Variants in SBF2 observed in about 807,000 individuals in gnomAD.
SBF2 encodes SET binding factor 2.
Under a neutral mutation model 225.2 loss-of-function variants are expected in SBF2, and 112 were observed. That is an observed-to-expected ratio of 0.50 (90% CI 0.43 to 0.58). The LOEUF is 0.58. Ranked by LOEUF, SBF2 falls within the 20% of genes least tolerant of loss-of-function variation. The probability of loss-of-function intolerance (pLI) is 0.00; values close to 1 mark genes in which losing one functional copy is unlikely to be tolerated. For missense variants in SBF2, 1,996 were observed against 2,206.2 expected (o/e 0.90, Z 1.91); for synonymous variants, 763 against 773.3 (o/e 0.99, Z 0.22).
intron 16 of SBF2, among the ~76,000 whole-genome samples, chr11:9,924,082 C>G (rs74504470): frequency 0.018 from 2,691 of 152,226 alleles, 34 homozygotes; most frequent in Non-Finnish European, 0.029. Flanking sequence ...GTGTCTTAAG[C>G]TAGAGTTTGA....
At chr11:9,817,852 C>T (rs192700197) in intron 28 of SBF2, among the ~76,000 whole-genome samples, 51 of 151,932 alleles carry the variant, frequency 3.4e-4, no homozygotes, top group African/African-American at 9.2e-4. Flanking sequence ...GCCAAGATAG[C>T]GCCACTGCGC....
intron 1 of SBF2, among the ~76,000 whole-genome samples, chr11:10,199,045 C>T (rs1591196151): frequency 6.6e-6 from 1 of 152,172 alleles, no homozygotes; most frequent in East Asian, 1.9e-4. Context: ...CAGCTTTTGA[C>T]TTATCTTGGC....
chr11:10,117,328 C>A (rs922834286), intron 2 of SBF2, among the ~76,000 whole-genome samples: 1 of 151,216 alleles, frequency 6.6e-6, no homozygotes, highest in African/African-American at 2.4e-5. Flanking sequence ...GCAATCCCAG[C>A]TACTCGGGAG....
intron 1 of SBF2, among the ~76,000 whole-genome samples, chr11:10,204,293 TC>T (rs1957671048): frequency 6.6e-6 from 1 of 150,804 alleles, no homozygotes; most frequent in East Asian, 1.9e-4. Context: ...AAAATATCCT[TC>T]AAAAAAAAAG....
intron 15 of SBF2, among the ~76,000 whole-genome samples, chr11:9,963,487 A>C (rs1046923743): frequency 3.3e-5 from 5 of 152,150 alleles, no homozygotes; most frequent in Middle Eastern, 3.2e-3. Context: ...TAAAATGAAA[A>C]AAATTTTAAG....
intron 2 of SBF2, among the ~76,000 whole-genome samples, chr11:10,176,236 C>T (rs773869809): frequency 4.0e-5 from 6 of 148,626 alleles, no homozygotes; most frequent in Admixed American, 1.3e-4. Context: ...CAAGAGAAAG[C>T]AGGAAAGATC....
chr11:10,131,924 TCAC>T (rs1300401511), intron 2 of SBF2, among the ~76,000 whole-genome samples: 1 of 152,242 alleles, frequency 6.6e-6, no homozygotes, highest in Non-Finnish European at 1.5e-5. Flanking sequence ...TAAGAACTCT[TCAC>T]CAAGTTTTAG....
Position 9,816,987 on chromosome 11 carries a change from G to C in SBF2, c.3831C>G (p.Ile1277Met), listed in dbSNP as rs139522696. The change falls in exon 29 of 40, where the codon ATC becomes ATG. Residue 1277 changes from isoleucine (I) to methionine (M), a missense_variant. Physicochemically the swap from Ile to Met is conservative, Grantham distance 10. Coordinates refer to ENST00000256190, the MANE Select transcript of SBF2 (RefSeq NM_030962.4). ...CATCAATGAAGGATGTTGGAGAGCT[G>C]ATCAAGCGAGTGCTAGAGCGAAGAC... ...WASLRSSTRL[I>M]SSPTSFIDVG... 2.9e-4 allele frequency: 468 copies of C among 1,614,034 alleles called. No individual in the cohort carries two copies. The highest frequency in any genetic ancestry group is 3.9e-4 in the Non-Finnish European group (457 of 1,180,034).
At chr11:9,879,598 C>G (rs912575337) in intron 17 of SBF2, among the ~76,000 whole-genome samples, 2 of 152,160 alleles carry the variant, frequency 1.3e-5, no homozygotes, top group Non-Finnish European at 2.9e-5. Context: ...CAATGTATAT[C>G]CAGTGACTGG....
chr11:10,110,500 T>C lies in SBF2; in HGVS notation c.142-67519A>G, dbSNP rs180986087. Reference sequence around the variant, plus strand: ...ATGACTTCAAGATCTAAAATAAACTTCTATGCACAAAGAAAACATGGATCT... The same window carrying C: ...ATGACTTCAAGATCTAAAATAAACTCCTATGCACAAAGAAAACATGGATCT... On this transcript the variant is annotated intron_variant, in intron 2 of 39. Transcript: ENST00000256190. Among the ~76,000 whole-genome samples, 342 of 152,254 alleles carry C rather than the reference T, an allele frequency of 2.2e-3. 1 individual carries two copies. The highest frequency in any genetic ancestry group is 5.3e-3 in the Admixed American group (81 of 15,296).
chr11:9,989,229 T>C (rs1394909166), intron 13 of SBF2, among the ~76,000 whole-genome samples: 1 of 152,042 alleles, frequency 6.6e-6, no homozygotes, highest in Non-Finnish European at 1.5e-5. Context: ...CACTGATACG[T>C]GGGAGCTAAG....
chr11:9,966,479 A>T (rs1264736681), intron 14 of SBF2, among the ~76,000 whole-genome samples: 1 of 152,232 alleles, frequency 6.6e-6, no homozygotes, highest in Non-Finnish European at 1.5e-5. Context: ...TTATACATGC[A>T]TCTAATTAAC....
chr11:10,033,187 A>G (rs369728838), intron 3 of SBF2, among the ~76,000 whole-genome samples: 42 of 152,326 alleles, frequency 2.8e-4, no homozygotes, highest in African/African-American at 9.6e-4. Flanking sequence ...CATATTCTTC[A>G]TGGATTACTA....
intron 28 of SBF2, among the ~76,000 whole-genome samples, chr11:9,818,443 G>C (rs141171825): frequency 6.6e-6 from 1 of 152,246 alleles, no homozygotes; most frequent in Non-Finnish European, 1.5e-5. Flanking sequence ...TTCAAATCAA[G>C]AGGCCCTCAT....
chr11:10,084,390 T>C (rs1430919970), intron 2 of SBF2, among the ~76,000 whole-genome samples: 2 of 152,186 alleles, frequency 1.3e-5, no homozygotes, highest in Non-Finnish European at 2.9e-5. Flanking sequence ...CATCATCTTA[T>C]ACCAGTCAGA....
chr11:10,198,569 C>T (rs79265224), intron 1 of SBF2, among the ~76,000 whole-genome samples: 14,450 of 152,234 alleles, frequency 0.095, 938 homozygotes, highest in East Asian at 0.29. Flanking sequence ...TCACCAGCAA[C>T]ATTAGCTGCT....
intron 1 of SBF2, among the ~76,000 whole-genome samples, chr11:10,194,599 T>C (rs1232441480): frequency 6.6e-6 from 1 of 152,158 alleles, no homozygotes. Context: ...AAACCTCCGC[T>C]TCCCGAGTTC....
At chr11:9,808,546 C>T in intron 31 of SBF2, 1 of 413,174 alleles carries the variant, frequency 2.4e-6, no homozygotes, top group South Asian at 2.2e-5. Flanking sequence ...TGAACTCACA[C>T]TTTTCACTCT....
At chr11:10,077,049 A>G (rs1310865733) in intron 2 of SBF2, among the ~76,000 whole-genome samples, 1 of 152,156 alleles carries the variant, frequency 6.6e-6, no homozygotes, top group Non-Finnish European at 1.5e-5. Flanking sequence ...TGGATCTCGC[A>G]TGCTAGCGCC....
Sources: allele counts gnomAD v4.1 joint callset (sites outside exome capture counted in the v4.1 genomes callset), GRCh38; gene constraint gnomAD v4.1.1; transcripts MANE v1.5; gene names NCBI Gene and HGNC (gene_info 2026-07-23, HGNC 2026-07-21).